The following NPFFR2 variants were observed in gnomAD, a reference collection of about 807,000 sequenced individuals.
NPFFR2 encodes the protein neuropeptide FF receptor 2.
A neutral mutation model predicts 13.1 loss-of-function variants in NPFFR2; 15 were observed. The observed-to-expected ratio is 1.15, with a 90% CI of 0.77 to 1.76. The LOEUF (loss-of-function observed/expected upper bound fraction) is 1.76, where lower values mean the gene tolerates loss of function less well. Ranked by LOEUF, NPFFR2 falls within the 40% of genes most tolerant of loss-of-function variation. NPFFR2 has a pLI of 0.00. For synonymous variants in NPFFR2, 190 were observed against 175.7 expected (o/e 1.08, Z -0.65); for missense variants, 572 against 503.5 (o/e 1.14, Z -1.30).
chr4:72,080,965 A>G (rs1368610479), intron 1 of NPFFR2, among the ~76,000 whole-genome samples: 3 of 151,448 alleles, frequency 2.0e-5, no homozygotes, highest in Admixed American at 2.0e-4. Flanking sequence ...TCTTCCCCAT[A>G]GATCCCTCCA....
intron 2 of NPFFR2, among the ~76,000 whole-genome samples, chr4:72,135,015 C>CT (rs1722365267): frequency 6.6e-6 from 1 of 152,038 alleles, no homozygotes; most frequent in Non-Finnish European, 1.5e-5. Flanking sequence ...TGCCCTCACA[C>CT]TTAATTAGTT....
intron 1 of NPFFR2, among the ~76,000 whole-genome samples, chr4:72,076,130 A>G (rs1006986707): frequency 6.6e-5 from 10 of 151,978 alleles, no homozygotes; most frequent in African/African-American, 2.4e-4. Context: ...AAGTCTAGAA[A>G]GTTGGGTAAA....
chr4:72,037,404 A>G (rs6819239), intron 1 of NPFFR2, among the ~76,000 whole-genome samples: 978 of 7,130 alleles, frequency 0.14, 15 homozygotes, highest in Middle Eastern at 0.5. Context: ...ATCTTGTTTG[A>G]AAAAAAAAAA....
intron 1 of NPFFR2, among the ~76,000 whole-genome samples, chr4:72,087,571 G>T (rs981369993): frequency 6.6e-6 from 1 of 151,958 alleles, no homozygotes. Flanking sequence ...ATCTTCTTCA[G>T]TTGTGATGGA....
At chr4:72,066,806 G>C (rs981985230) in intron 1 of NPFFR2, among the ~76,000 whole-genome samples, 1 of 152,112 alleles carries the variant, frequency 6.6e-6, no homozygotes, top group African/African-American at 2.4e-5. Context: ...GGCTCCAGGG[G>C]ACTACAACCC....
intron 1 of NPFFR2, among the ~76,000 whole-genome samples, chr4:72,058,490 T>C (rs773451523): frequency 6.6e-6 from 1 of 151,988 alleles, no homozygotes; most frequent in Non-Finnish European, 1.5e-5. Flanking sequence ...ATGTGATATA[T>C]GTTTTAATGC....
chr4:72,071,667 C>G (rs116983875), intron 1 of NPFFR2, among the ~76,000 whole-genome samples: 2 of 152,116 alleles, frequency 1.3e-5, no homozygotes, highest in African/African-American at 4.8e-5. Flanking sequence ...CCTGGAATAG[C>G]TTGAACATAG....
chr4:72,143,269 A>T (rs1185180851), intron 3 of NPFFR2, among the ~76,000 whole-genome samples: 2 of 152,194 alleles, frequency 1.3e-5, no homozygotes, highest in Non-Finnish European at 2.9e-5. Flanking sequence ...GAAATCTCAG[A>T]ATATGCTGCC....
chr4:72,032,479 C>T (rs139980746), intron 1 of NPFFR2, among the ~76,000 whole-genome samples: 1 of 152,156 alleles, frequency 6.6e-6, no homozygotes, highest in South Asian at 2.1e-4. Flanking sequence ...CCTTAAAGTT[C>T]CCCCCAAGCC....
At chr4:72,069,601 G>A (rs974537213) in intron 1 of NPFFR2, among the ~76,000 whole-genome samples, 3 of 151,908 alleles carry the variant, frequency 2.0e-5, no homozygotes, top group Admixed American at 6.6e-5. Flanking sequence ...AAACGTTTGC[G>A]ATAAGACAAG....
intron 1 of NPFFR2, among the ~76,000 whole-genome samples, chr4:72,041,377 T>G (rs138717043): frequency 6.6e-6 from 1 of 152,254 alleles, no homozygotes. Context: ...ATGTATCATA[T>G]TTTTTAAATC....
intron 1 of NPFFR2, among the ~76,000 whole-genome samples, chr4:72,060,868 G>A (rs1483548718): frequency 1.3e-5 from 2 of 152,190 alleles, no homozygotes; most frequent in African/African-American, 2.4e-5. Context: ...TAAAAAACCT[G>A]TGATAATTTA....
chr4:72,039,375 G>A, intron 1 of NPFFR2: 7 of 984,860 alleles, frequency 7.1e-6, no homozygotes, highest in Non-Finnish European at 8.4e-6. Flanking sequence ...TTTCTTAGTT[G>A]CCTCTGCCCA....
chr4:72,127,666 T>C (rs1002534778), intron 1 of NPFFR2, among the ~76,000 whole-genome samples: 11 of 149,028 alleles, frequency 7.4e-5, no homozygotes, highest in African/African-American at 2.5e-4. Flanking sequence ...CCCGGCCCAA[T>C]AATTTCTTGA....
intron 1 of NPFFR2, among the ~76,000 whole-genome samples, chr4:72,088,884 A>G (rs1367386002): frequency 6.6e-6 from 1 of 151,914 alleles, no homozygotes; most frequent in African/African-American, 2.4e-5. Context: ...TGGTTACATG[A>G]ATAAGTTCTT....
intron 1 of NPFFR2, 97 bp from the exon 2 acceptor site, chr4:72,128,488 A>G: frequency 2.9e-6 from 2 of 688,404 alleles, no homozygotes; most frequent in Non-Finnish European, 4.8e-6. Context: ...CAAAAATTCC[A>G]TGGCATTTTA....
intron 1 of NPFFR2, among the ~76,000 whole-genome samples, chr4:72,074,140 T>G (rs1414352604): frequency 6.6e-6 from 1 of 152,118 alleles, no homozygotes; most frequent in Non-Finnish European, 1.5e-5. Context: ...TGAACCTAAG[T>G]ACTGCAATAC....
At chr4:72,104,499 G>C (rs776869299) in intron 1 of NPFFR2, among the ~76,000 whole-genome samples, 17 of 151,970 alleles carry the variant, frequency 1.1e-4, no homozygotes, top group Non-Finnish European at 1.9e-4. Context: ...AAACTACCTA[G>C]CTTAAATACC....
intron 1 of NPFFR2, among the ~76,000 whole-genome samples, chr4:72,102,111 C>T (rs143233524): frequency 2.4e-3 from 358 of 152,080 alleles, no homozygotes; most frequent in African/African-American, 8.2e-3. Context: ...CAGCTGCTCT[C>T]CTTAAAAATC....
Sources: gnomAD v4.1 joint callset for allele counts (sites outside exome capture counted in the v4.1 genomes callset) on GRCh38, gnomAD v4.1.1 for gene constraint, MANE v1.5 for transcripts, NCBI Gene and HGNC (gene_info 2026-07-23, HGNC 2026-07-21) for gene names.